The following KRT77 variants were observed in gnomAD, a reference collection of about 807,000 sequenced individuals.
KRT77 encodes keratin, type II cytoskeletal 1b.
In KRT77, 44 loss-of-function variants were observed where a neutral mutation model predicts 51.5. The ratio of observed to expected loss-of-function variants is 0.85; its 90% CI spans 0.67 to 1.10. KRT77 has a LOEUF of 1.10. KRT77 is among the 50% of genes least tolerant of loss of function. The pLI is 0.00. For missense variants in KRT77, 763 were observed against 743.9 expected, an observed-to-expected ratio of 1.03 and a Z score of -0.30; for synonymous variants, 293 against 302.0, an observed-to-expected ratio of 0.97 and a Z score of 0.31.
At position 52,694,650 on chromosome 12, in the gene KRT77, C is replaced by T; in HGVS notation, c.1056G>A (p.Glu352=). ...YELIAQRSKD[E]AEALYQTKYQ... is the part of the protein sequence containing the mutation. ...CCTTGGTCTGGTACAGGGCTTCGGCCTCGTCCTTGCTCCTCTGTGCAATCA... is the reference window on the plus strand; with the variant it reads ...CCTTGGTCTGGTACAGGGCTTCGGCTTCGTCCTTGCTCCTCTGTGCAATCA... The change falls in exon 5 of 9, where the codon GAG becomes GAA. Residue 352 remains glutamate, a synonymous_variant. Transcript: ENST00000341809. 2 of 1,609,722 alleles carry T rather than the reference C, an allele frequency of 1.2e-6. No individual in the cohort carries two copies. The highest frequency in any genetic ancestry group is 2.2e-5 in the South Asian group (2 of 90,310).
Position 52,695,819 on chromosome 12 carries a change from C to T in KRT77, c.868G>A (p.Asp290Asn), listed in dbSNP as rs1010273405. The T allele has an allele frequency of 6.2e-7, 1 of 1,613,998 alleles. No homozygotes were observed. Among genetic ancestry groups the T allele is most frequent in the Non-Finnish European group, 8.5e-7 (1 of 1,179,834 alleles). ...AAATTGACCTCCCCAGTCAGAGTGT[C>T]CACCCTGGACTCCAGGTCCACTTTG... The part of the protein sequence containing the change: ...VSKVDLESRV[D>N]TLTGEVNFLK... The change falls in exon 4 of 9, where the codon GAC (aspartate) becomes AAC (asparagine). Residue 290 changes from aspartate to asparagine, a missense_variant. Physicochemically the swap from Asp to Asn is conservative, Grantham distance 23 (BLOSUM62 1). Transcript: ENST00000341809.
intron 1 of KRT77, among the ~76,000 whole-genome samples, chr12:52,699,182 G>A (rs1275982806): frequency 6.6e-6 from 1 of 152,182 alleles, no homozygotes; most frequent in Non-Finnish European, 1.5e-5. Context: ...TTTACTCTGT[G>A]GTGGCACTCC....
chr12:52,697,042 T>G (rs139205794), intron 2 of KRT77, among the ~76,000 whole-genome samples: 2 of 152,326 alleles, frequency 1.3e-5, no homozygotes, highest in African/African-American at 4.8e-5. Flanking sequence ...CCGTCACCCC[T>G]ACTGTTTATA....
chr12:52,691,982 C>A lies in KRT77; in HGVS notation c.1428-10G>T. The A allele has an allele frequency of 1.2e-6, 2 of 1,613,968 alleles. No individual in the cohort carries two copies. The highest frequency in any genetic ancestry group is 1.7e-6 in the Non-Finnish European group (2 of 1,180,040). On this transcript the variant is annotated splice_polypyrimidine_tract_variant and intron_variant, in intron 7 of 8. Transcript: ENST00000341809. ...CAGCTCTCCTGACATCCTGTAAAAC[C>A]AAAGCACACGGTCAGCCAGACCCAC...
chr12:52,696,321 C>T (rs1565653310), intron 3 of KRT77, 49 bp downstream of exon 3: 2 of 1,581,878 alleles, frequency 1.3e-6, no homozygotes, highest in Admixed American at 1.7e-5. Flanking sequence ...CCTCACTCCC[C>T]TCAGCCTCCT....
intron 1 of KRT77, among the ~76,000 whole-genome samples, chr12:52,702,526 ATG>A (rs370952515): frequency 2.5e-3 from 127 of 51,328 alleles, no homozygotes; most frequent in African/African-American, 7.9e-3. Context: ...GAATGGATGG[ATG>A]TGTGTGTGTG....
intron 1 of KRT77, among the ~76,000 whole-genome samples, chr12:52,700,238 T>C (rs542587163): frequency 6.6e-6 from 1 of 151,956 alleles, no homozygotes; most frequent in East Asian, 1.9e-4. Flanking sequence ...AGGGATTTGG[T>C]AATAAAAAAA....
intron 2 of KRT77, 169 bp from the exon 3 acceptor site, chr12:52,696,599 G>C (rs1941797737): frequency 4.7e-6 from 3 of 636,198 alleles, no homozygotes; most frequent in Non-Finnish European, 8.5e-6. Context: ...CACTCTCATG[G>C]ATGAGGGCAG....
intron 1 of KRT77, among the ~76,000 whole-genome samples, chr12:52,702,597 A>G (rs7955392): frequency 0.97 from 145,706 of 149,834 alleles, 70,995 homozygotes; most frequent in East Asian, 1. Context: ...GGGGATGGAT[A>G]GATGGGTGCA....
At chr12:52,696,152 T>C (rs765903777) in intron 3 of KRT77, among the ~76,000 whole-genome samples, 8 of 152,174 alleles carry the variant, frequency 5.3e-5, no homozygotes, top group Non-Finnish European at 1.2e-4. Flanking sequence ...TTTCACTTCA[T>C]TTCACTTTCA....
At position 52,690,844 on chromosome 12, in the gene KRT77, C is replaced by G; in HGVS notation, c.*321G>C. 4.1e-6 allele frequency: 2 copies of G among 486,598 alleles called. No individual in the cohort carries two copies. The highest frequency in any genetic ancestry group is 7.4e-6 in the Non-Finnish European group (2 of 271,474). 30.1% of individuals were successfully genotyped at this position (486,598 alleles called of 1,614,324 possible). The stretch of plus-strand genomic sequence containing the variant: ...TTGCCAACTCACGCAGCCTCTGCCT[C>G]TAACTGGAATGTTTGTGCTCACCCT... On this transcript the variant is annotated 3_prime_UTR_variant, in exon 9 of 9. Transcript: ENST00000341809.
Position 52,703,243 on chromosome 12 carries a change from C to T in KRT77, c.192G>A (p.Leu64=), listed in dbSNP as rs1428269711. The T allele has an allele frequency of 3.7e-6, 6 of 1,613,878 alleles. No homozygotes were observed. The highest frequency in any genetic ancestry group is 5.1e-6 in the Non-Finnish European group (6 of 1,179,978). ...TAATGGAGATGCTTCTACTGCCACC[C>T]AGATTGTAGAGGCTCCTAGAGCCAA... The part of the protein sequence containing the change: ...RGFGSRSLYN[L]GGSRSISINL... The change falls in exon 1 of 9, where the codon CTG becomes CTA. Residue 64 remains leucine (L), a synonymous_variant. Coordinates refer to ENST00000341809, the MANE Select transcript of KRT77 (RefSeq NM_175078.3).
chr12:52,696,281 GC>G, intron 3 of KRT77, 88 bp downstream of exon 3: 1 of 1,281,488 alleles, frequency 7.8e-7, no homozygotes, highest in South Asian at 1.2e-5. Flanking sequence ...AGGCCACCCT[GC>G]CGTTGTCACA....
Position 52,690,040 on chromosome 12 carries a change from G to A in KRT77, c.*1125C>T, listed in dbSNP as rs1941682111. 1.3e-5 allele frequency: 2 copies of A among 152,274 alleles called. No homozygotes were observed. Among genetic ancestry groups the A allele is most frequent in the African/African-American group, 4.8e-5 (2 of 41,442 alleles). The allele number at this position is 152,274 out of a possible 1,614,324, so 9.4% of individuals were successfully genotyped here. A position where few individuals can be genotyped will look rare whatever the true frequency, so the allele number is the denominator to read the frequency against. On this transcript the variant is annotated 3_prime_UTR_variant, in exon 9 of 9. Coordinates refer to ENST00000341809, the MANE Select transcript of KRT77 (RefSeq NM_175078.3). ...AAATGGGCAGCTTCCTGACTGACTT[G>A]GGGTTGGAACCCTTCCAAGACCCAA...
At position 52,692,519 on chromosome 12, in the gene KRT77, G is replaced by T. The variant is rs145264018; in HGVS notation, c.1329C>A (p.Ala443=). Residue 443 remains alanine, a synonymous_variant, in exon 7 of 9, where the codon GCC becomes GCA. Transcript: ENST00000341809. ...TGGCCTGGTAGTCACGCAGCAGCCG[G>T]GCCAGCTCCTCCTTGGACTGCTGCA... ...EALQQSKEEL[A]RLLRDYQAML... 2.2e-5 allele frequency: 35 copies of T among 1,613,884 alleles called. No homozygotes were observed. The highest frequency in any genetic ancestry group is 2.9e-5 in the Non-Finnish European group (34 of 1,179,994).
At position 52,692,597 on chromosome 12, in the gene KRT77, G is replaced by T; in HGVS notation, c.1251C>A (p.Gly417=). 6.5e-7 allele frequency: 1 copy of T among 1,537,032 alleles called. No homozygotes were observed. Among genetic ancestry groups the T allele is most frequent in the Non-Finnish European group, 8.9e-7 (1 of 1,121,718 alleles). ...GCCACGCATCCTGGAGGGCCTGCTC[G>T]CCTCTCTCCTCAGCATCCGAAATGA... The part of the protein sequence containing the change: ...QSLISDAEER[G]EQALQDAWQK... The change falls in exon 7 of 9, where the codon GGC becomes GGA. Residue 417 remains glycine (G), a synonymous_variant. Coordinates refer to ENST00000341809, the MANE Select transcript of KRT77 (RefSeq NM_175078.3).
chr12:52,697,241 A>C (rs1042716920), intron 2 of KRT77, among the ~76,000 whole-genome samples: 1 of 152,224 alleles, frequency 6.6e-6, no homozygotes, highest in Non-Finnish European at 1.5e-5. Context: ...TGAATCAAAA[A>C]CTCAGGGGGC....
intron 1 of KRT77, among the ~76,000 whole-genome samples, chr12:52,700,041 G>A (rs765268810): frequency 3.9e-5 from 6 of 152,232 alleles, no homozygotes; most frequent in Non-Finnish European, 8.8e-5. Context: ...CAGTGTCCCA[G>A]GGGTAAGAGC....
Position 52,703,007 on chromosome 12 carries a change from T to C in KRT77, c.428A>G (p.Gln143Arg). ...PGGIQEVTIN[Q>R]SLLEPLHLEV... is the part of the protein sequence containing the mutation. ...CAGGTGAAGTGGCTCTAGGAGGCTC[T>C]GGTTAATGGTCACCTCTTGGATGCC... Residue 143 changes from glutamine (Q) to arginine (R), a missense_variant, in exon 1 of 9, where the codon CAG becomes CGG. Transcript: ENST00000341809. 1 of 1,614,094 alleles carries C rather than the reference T, an allele frequency of 6.2e-7. No individual in the cohort carries two copies. The highest frequency in any genetic ancestry group is 8.5e-7 in the Non-Finnish European group (1 of 1,180,014).
Sources: allele counts gnomAD v4.1 joint callset (sites outside exome capture counted in the v4.1 genomes callset), GRCh38; gene constraint gnomAD v4.1.1; transcripts MANE v1.5; gene names NCBI Gene and HGNC (gene_info 2026-07-23, HGNC 2026-07-21).